The following ANKRD36C variants were observed in gnomAD, a reference collection of about 807,000 sequenced individuals.
ANKRD36C encodes ankyrin repeat domain-containing protein 36C.
ANKRD36C carries 61 observed loss-of-function variants against 276.4 expected under a neutral mutation model. The ratio of observed to expected loss-of-function variants is 0.22; its 90% CI spans 0.18 to 0.27. ANKRD36C has a LOEUF of 0.27. ANKRD36C is among the 10% of genes least tolerant of loss of function. The pLI, the probability that ANKRD36C is intolerant of heterozygous loss-of-function variation, is 1.00. For missense variants in ANKRD36C, 1,447 were observed against 2,032.3 expected (o/e 0.71, Z 5.54); for synonymous variants, 483 against 680.1 (o/e 0.71, Z 4.51).
chr2:95,880,446 A>C (rs758153145), exon 58 of ANKRD36C: 4 of 1,555,900 alleles, frequency 2.6e-6, no homozygotes, highest in East Asian at 4.8e-5. Context: ...ATGTTTGTAC[A>C]TCTTTCATTT....
At chr2:95,979,615 G>T (rs1678877166) in intron 5 of ANKRD36C, among the ~76,000 whole-genome samples, 1 of 152,022 alleles carries the variant, frequency 6.6e-6, no homozygotes, top group African/African-American at 2.4e-5. Flanking sequence ...TGGCATGGAA[G>T]CTTCCACTAC....
intron 30 of ANKRD36C, 72 bp downstream of exon 30, chr2:95,925,280 G>A: frequency 6.5e-7 from 1 of 1,540,868 alleles, no homozygotes; most frequent in Non-Finnish European, 8.8e-7. Context: ...ACACTCCACT[G>A]ATCTATTCAG....
exon 56 of ANKRD36C, chr2:95,882,304 G>A: frequency 1.3e-6 from 2 of 1,550,292 alleles, no homozygotes; most frequent in Non-Finnish European, 1.7e-6. Context: ...TAAATTACCT[G>A]TTCCAGATTT....
chr2:95,973,007 G>A (rs1185818175), intron 6 of ANKRD36C, among the ~76,000 whole-genome samples: 2 of 152,074 alleles, frequency 1.3e-5, no homozygotes, highest in African/African-American at 4.8e-5. Context: ...CTACTCCAAC[G>A]GCTGAGGCAG....
intron 30 of ANKRD36C, 78 bp downstream of exon 30, chr2:95,925,274 T>C (rs933316221): frequency 7.2e-6 from 11 of 1,536,884 alleles, no homozygotes; most frequent in African/African-American, 5.5e-5. Context: ...TCAATGACAC[T>C]CCACTGATCT....
At chr2:95,929,946 A>G (rs1677520814) in intron 24 of ANKRD36C, among the ~76,000 whole-genome samples, 1 of 151,536 alleles carries the variant, frequency 6.6e-6, no homozygotes. Context: ...TAATATATAA[A>G]CTTCATCAAA....
At chr2:95,916,150 G>C (rs1222036211) in exon 37 of ANKRD36C, 1 of 1,605,122 alleles carries the variant, frequency 6.2e-7, no homozygotes, top group African/African-American at 1.3e-5. Context: ...TACCTTCAAG[G>C]CTGGTTTTTT....
At chr2:95,924,081 C>T (rs1032968173) in intron 30 of ANKRD36C, among the ~76,000 whole-genome samples, 3 of 151,622 alleles carry the variant, frequency 2.0e-5, no homozygotes, top group Admixed American at 6.6e-5. Context: ...AAAGGATTTA[C>T]ACTAGTATAC....
intron 59 of ANKRD36C, among the ~76,000 whole-genome samples, 194 bp downstream of exon 79, chr2:95,876,245 G>C (rs1174731579): frequency 1.3e-5 from 2 of 152,150 alleles, no homozygotes; most frequent in African/African-American, 4.8e-5. Flanking sequence ...GTAAAGATAA[G>C]ATACAAGTTG....
intron 6 of ANKRD36C, among the ~76,000 whole-genome samples, chr2:95,968,322 AAAG>A (rs1275706049): frequency 6.6e-6 from 1 of 152,192 alleles, no homozygotes; most frequent in African/African-American, 2.4e-5. Context: ...TATCAAATGC[AAAG>A]AAGAATATAT....
intron 17 of ANKRD36C, among the ~76,000 whole-genome samples, chr2:95,948,318 C>A (rs1326566230): frequency 6.6e-6 from 1 of 151,964 alleles, no homozygotes; most frequent in Admixed American, 6.6e-5. Flanking sequence ...TCAGATCACA[C>A]CTCTCAAAGT....
At chr2:95,912,172 C>T (rs566797226) in intron 42 of ANKRD36C, 72 bp downstream of exon 44, 79 of 1,526,908 alleles carry the variant, frequency 5.2e-5, no homozygotes, top group Non-Finnish European at 6.8e-5. Flanking sequence ...ACCAGCCCCC[C>T]ACTGATTTAT....
chr2:95,934,978 A>G (rs925355502), intron 24 of ANKRD36C, among the ~76,000 whole-genome samples: 4 of 152,286 alleles, frequency 2.6e-5, no homozygotes, highest in Non-Finnish European at 2.9e-5. Context: ...ACACACATAC[A>G]CATGCAGAAA....
intron 34 of ANKRD36C, among the ~76,000 whole-genome samples, chr2:95,918,350 G>A (rs527692149): frequency 1.3e-5 from 2 of 151,716 alleles, no homozygotes; most frequent in African/African-American, 2.4e-5. Context: ...ATCTAAAATC[G>A]GAGGAGCAAC....
Position 95,897,508 on chromosome 2 carries a change from G to C in ANKRD36C, c.2755+1637C>G, listed in dbSNP as rs760841432. On this transcript the variant is annotated intron_variant, in intron 44 of 66. Coordinates refer to ENST00000456556, the Ensembl canonical transcript of ANKRD36C. Reference sequence around the variant, plus strand: ...TTCATAATCACTCATATGTAAAAATGACAAAATTATCCACATATTCATGCA... The same window carrying C: ...TTCATAATCACTCATATGTAAAAATCACAAAATTATCCACATATTCATGCA... 7.9e-6 allele frequency: 12 copies of C among 1,518,030 alleles called. No individual in the cohort carries two copies. In the South Asian group the frequency reaches 1.2e-4, roughly 15 times the overall value. The allele number at this position is 1,518,030 out of a possible 1,614,324, so 94.0% of individuals were successfully genotyped here. A position where few individuals can be genotyped will look rare whatever the true frequency, so the allele number is the denominator to read the frequency against.
intron 46 of ANKRD36C, among the ~76,000 whole-genome samples, 171 bp downstream of exon 66, chr2:95,891,494 G>C (rs1676356480): frequency 6.6e-6 from 1 of 151,488 alleles, no homozygotes; most frequent in African/African-American, 2.4e-5. Flanking sequence ...CGAAGATCAT[G>C]TTCCAGAGCA....
At chr2:95,923,929 T>G (rs1677341819) in intron 30 of ANKRD36C, among the ~76,000 whole-genome samples, 1 of 151,636 alleles carries the variant, frequency 6.6e-6, no homozygotes, top group Non-Finnish European at 1.5e-5. Flanking sequence ...AAAACTAAAA[T>G]GAAACAGTGT....
At chr2:95,897,043 A>G (rs1386365717) in intron 44 of ANKRD36C, among the ~76,000 whole-genome samples, 2 of 149,470 alleles carry the variant, frequency 1.3e-5, no homozygotes, top group Admixed American at 6.7e-5. Flanking sequence ...TGCTCTCCAT[A>G]TTTCTTCTTC....
chr2:95,954,599 T>G (rs1678283931), intron 13 of ANKRD36C, among the ~76,000 whole-genome samples: 1 of 152,216 alleles, frequency 6.6e-6, no homozygotes, highest in Non-Finnish European at 1.5e-5. Flanking sequence ...GAAAGCTGAG[T>G]GTACAAAAGT....
Sources: allele counts gnomAD v4.1 joint callset (sites outside exome capture counted in the v4.1 genomes callset), GRCh38; gene constraint gnomAD v4.1.1; transcripts MANE v1.5; gene names NCBI Gene and HGNC (gene_info 2026-07-23, HGNC 2026-07-21).